CCDC57: variants seen among roughly 807,000 people sequenced by gnomAD.
The protein encoded by CCDC57 is coiled-coil domain containing 57.
In CCDC57, 118 loss-of-function variants were observed where a neutral mutation model predicts 118.9. That is an observed-to-expected ratio of 0.99 (90% CI 0.86 to 1.16). CCDC57 has a LOEUF of 1.16. Ranked by LOEUF, CCDC57 falls within the 50% of genes most tolerant of loss-of-function variation. CCDC57 has a pLI of 0.00. For synonymous variants in CCDC57, 527 were observed against 532.9 expected (o/e 0.99, Z 0.15); for missense variants, 1,300 against 1,320.7 (o/e 0.98, Z 0.24).
At chr17:82,125,318 G>A (rs1262403490) in intron 19 of CCDC57, among the ~76,000 whole-genome samples, 1 of 151,902 alleles carries the variant, frequency 6.6e-6, no homozygotes, top group African/African-American at 2.4e-5. Flanking sequence ...CGGGAGGATC[G>A]CTTGAGCCCA....
chr17:82,177,384 C>A (rs1345809652), intron 11 of CCDC57, among the ~76,000 whole-genome samples: 1 of 151,476 alleles, frequency 6.6e-6, no homozygotes, highest in Non-Finnish European at 1.5e-5. Flanking sequence ...CTAAAAAAAA[C>A]AACTCCAAAA....
At chr17:82,193,814 C>T (rs1043883800) in exon 7 of CCDC57, 3 of 1,597,346 alleles carry the variant, frequency 1.9e-6, no homozygotes, top group Non-Finnish European at 2.6e-6. Context: ...TGAAGTTTAT[C>T]CTCTAAATCC....
chr17:82,148,338 T>A (rs2041201558), intron 16 of CCDC57, among the ~76,000 whole-genome samples: 1 of 49,012 alleles, frequency 2.0e-5, no homozygotes, highest in Non-Finnish European at 3.7e-5. Flanking sequence ...GATGGATGGA[T>A]GGATGGATAG....
intron 3 of CCDC57, among the ~76,000 whole-genome samples, chr17:82,199,133 C>T (rs946986809): frequency 1.4e-4 from 22 of 151,822 alleles, no homozygotes; most frequent in Non-Finnish European, 2.6e-4. Context: ...ATTATAAAAG[C>T]GCTTCAAGTA....
intron 17 of CCDC57, among the ~76,000 whole-genome samples, chr17:82,130,135 A>G (rs563050322): frequency 2.2e-4 from 34 of 152,218 alleles, no homozygotes; most frequent in African/African-American, 8.2e-4. Context: ...TGGGAGGACC[A>G]GGCTGCAGTG....
At chr17:82,185,003 G>A (rs1306076158) in intron 8 of CCDC57, 2 of 152,414 alleles carry the variant, frequency 1.3e-5, no homozygotes, top group East Asian at 1.9e-4. Flanking sequence ...CCTGGACCAT[G>A]AGCCACCTAA....
In CCDC57 at chr17:82,175,087, T is replaced by C. The variant is rs540067091; in HGVS notation, c.1507-2227A>G. 4.6e-5 allele frequency among the ~76,000 whole-genome samples: 7 copies of C among 152,350 alleles called. No homozygotes were observed. In the South Asian group the frequency reaches 1.4e-3, roughly 32 times the overall value. On this transcript the variant is annotated intron_variant, in intron 11 of 19. Transcript: ENST00000665763. The stretch of plus-strand genomic sequence containing the variant: ...AAGAAAATCGCTAGGTGCGTTATGG[T>C]GTGGCCGCTTGATAAAACATGCAGC...
rs1452874998 is a variant in CCDC57, at chr17:82,178,606, C to G, written c.1375-1G>C. On this transcript the variant is annotated splice_acceptor_variant, in intron 10 of 19. Transcript: ENST00000665763. LOFTEE classifies it high-confidence loss of function. ...CTGTCTCCTGCAGCTTGGCAGCAAC[C>G]TGGGAAAAACGCTGGGACTCAGTCC... 4 of 1,611,258 alleles carry G rather than the reference C, an allele frequency of 2.5e-6. No individual in the cohort carries two copies. The highest frequency in any genetic ancestry group is 1.1e-5 in the South Asian group (1 of 91,058).
chr17:82,190,163 T>C (rs576421927), intron 7 of CCDC57, among the ~76,000 whole-genome samples: 2,289 of 151,612 alleles, frequency 0.015, 86 homozygotes, highest in African/African-American at 0.052. Context: ...TATCCCAGCA[T>C]AGAGTGACTT....
At chr17:82,148,082 G>GTGGA (rs2041097339) in intron 16 of CCDC57, among the ~76,000 whole-genome samples, 4 of 12,084 alleles carry the variant, frequency 3.3e-4, no homozygotes, top group Non-Finnish European at 9.6e-4. Flanking sequence ...GGGTAGATGG[G>GTGGA]TGGATGGATG....
intron 1 of CCDC57, among the ~76,000 whole-genome samples, chr17:82,211,182 G>A (rs531585454): frequency 1.3e-5 from 2 of 152,248 alleles, no homozygotes; most frequent in Non-Finnish European, 2.9e-5. Context: ...ACAGCCAGGG[G>A]CATCCTGTGT....
At chr17:82,145,056 T>A (rs2040527586) in intron 16 of CCDC57, among the ~76,000 whole-genome samples, 1 of 144,726 alleles carries the variant, frequency 6.9e-6, no homozygotes, top group Non-Finnish European at 1.5e-5. Flanking sequence ...AGAGTCTCGC[T>A]CTGTCACCCA....
intron 14 of CCDC57, chr17:82,160,467 C>A (rs1203959345): frequency 6.6e-6 from 1 of 150,758 alleles, no homozygotes; most frequent in Non-Finnish European, 1.5e-5. Flanking sequence ...ACCTGTAATC[C>A]CAGCACTTTG....
chr17:82,148,082 GTGGA>G (rs2041097339), intron 16 of CCDC57, among the ~76,000 whole-genome samples: 1 of 12,084 alleles, frequency 8.3e-5, no homozygotes, highest in Non-Finnish European at 2.4e-4. Context: ...GGGTAGATGG[GTGGA>G]TGGATGGATG....
chr17:82,133,471 T>A, intron 17 of CCDC57, among the ~76,000 whole-genome samples: 1 of 151,190 alleles, frequency 6.6e-6, no homozygotes, highest in African/African-American at 2.4e-5. Flanking sequence ...GTTTTTGGTT[T>A]TTTTTTCACT....
chr17:82,189,707 G>C (rs1356249003), intron 7 of CCDC57, among the ~76,000 whole-genome samples: 1 of 152,196 alleles, frequency 6.6e-6, no homozygotes, highest in East Asian at 1.9e-4. Flanking sequence ...ACAAAAATTA[G>C]CCGGGCATGG....
chr17:82,158,265 C>T (rs2042908573), intron 14 of CCDC57, among the ~76,000 whole-genome samples: 2 of 152,174 alleles, frequency 1.3e-5, no homozygotes, highest in African/African-American at 4.8e-5. Context: ...CAGGGAGAAA[C>T]AAAGGCCTCC....
intron 17 of CCDC57, among the ~76,000 whole-genome samples, chr17:82,133,095 G>C (rs2038652517): frequency 6.6e-6 from 1 of 152,014 alleles, no homozygotes; most frequent in African/African-American, 2.4e-5. Context: ...TTGTGGCTGG[G>C]TGCACTGACT....
At chr17:82,146,886 CGT>C (rs112873520) in intron 16 of CCDC57, among the ~76,000 whole-genome samples, 124 of 151,798 alleles carry the variant, frequency 8.2e-4, no homozygotes, top group Admixed American at 1.7e-3. Flanking sequence ...CGCAAACAAA[CGT>C]GTGTGCACAC....
Sources: gnomAD v4.1 joint callset for allele counts (sites outside exome capture counted in the v4.1 genomes callset) on GRCh38, gnomAD v4.1.1 for gene constraint, MANE v1.5 for transcripts, NCBI Gene and HGNC (gene_info 2026-07-23, HGNC 2026-07-21) for gene names.